The following KHDRBS2 variants were observed in gnomAD, a reference collection of about 807,000 sequenced individuals.
The protein encoded by KHDRBS2 is KH domain-containing, RNA-binding, signal transduction-associated protein 2.
In KHDRBS2, 26 loss-of-function variants were observed where a neutral mutation model predicts 44.3. The observed-to-expected ratio is 0.59, with a 90% CI of 0.43 to 0.81. KHDRBS2 has a LOEUF of 0.81. KHDRBS2 is among the 40% of genes least tolerant of loss of function. The probability of loss-of-function intolerance (pLI) is 0.00; values close to 1 mark genes in which losing one functional copy is unlikely to be tolerated. For synonymous variants in KHDRBS2, 194 were observed against 151.1 expected (o/e 1.28, Z -2.08); for missense variants, 476 against 433.1 (o/e 1.10, Z -0.88).
intron 2 of KHDRBS2, among the ~76,000 whole-genome samples, chr6:62,146,470 G>T (rs376895812): frequency 6.9e-6 from 1 of 145,866 alleles, no homozygotes; most frequent in Non-Finnish European, 1.5e-5. Flanking sequence ...GATTTTAAAA[G>T]AAAAAAAAAA....
intron 6 of KHDRBS2, among the ~76,000 whole-genome samples, chr6:61,848,509 A>ATATATG (rs1794835517): frequency 2.0e-5 from 1 of 50,848 alleles, no homozygotes; most frequent in African/African-American, 9.7e-5. Flanking sequence ...ATATATATAT[A>ATATATG]TGTATATATG....
chr6:62,118,556 G>A (rs563403881), intron 2 of KHDRBS2, among the ~76,000 whole-genome samples: 1 of 152,164 alleles, frequency 6.6e-6, no homozygotes, highest in Non-Finnish European at 1.5e-5. Flanking sequence ...TGGAGTGAAG[G>A]ATACAAAATA....
At chr6:62,055,999 T>C (rs892766853) in intron 2 of KHDRBS2, among the ~76,000 whole-genome samples, 1 of 151,994 alleles carries the variant, frequency 6.6e-6, no homozygotes, top group Non-Finnish European at 1.5e-5. Context: ...CTTCATAGAA[T>C]ATCCTGGAGC....
the KHDRBS2 span, among the ~76,000 whole-genome samples, chr6:61,568,827 G>A: frequency 6.6e-6 from 1 of 152,230 alleles, no homozygotes; most frequent in African/African-American, 2.4e-5. Context: ...AGGGAAGGCA[G>A]CAAGGGTAAC....
intron 6 of KHDRBS2, among the ~76,000 whole-genome samples, chr6:61,854,516 T>A (rs1795890772): frequency 6.6e-6 from 1 of 152,152 alleles, no homozygotes; most frequent in South Asian, 2.1e-4. Context: ...CAAAATGTTT[T>A]AAAAAAGCAC....
chr6:61,942,392 G>T (rs547043350), intron 4 of KHDRBS2, among the ~76,000 whole-genome samples: 1 of 151,442 alleles, frequency 6.6e-6, no homozygotes, highest in South Asian at 2.1e-4. Context: ...ATCATAAAAA[G>T]AACAAAACAA....
the KHDRBS2 span, among the ~76,000 whole-genome samples, chr6:61,558,981 C>T: frequency 1.3e-5 from 2 of 152,004 alleles, no homozygotes; most frequent in Admixed American, 6.6e-5. Context: ...GACTTCCTGT[C>T]TGGTGGATCT....
intron 2 of KHDRBS2, among the ~76,000 whole-genome samples, chr6:62,113,031 C>T (rs552239223): frequency 6.6e-6 from 1 of 152,090 alleles, no homozygotes; most frequent in Non-Finnish European, 1.5e-5. Context: ...TAACACATTA[C>T]ATCCAAAATG....
intron 5 of KHDRBS2, among the ~76,000 whole-genome samples, chr6:61,900,975 C>T (rs558741791): frequency 3.9e-5 from 6 of 152,130 alleles, no homozygotes; most frequent in Non-Finnish European, 8.8e-5. Flanking sequence ...GTCAGACTGT[C>T]TACGTGACCC....
In KHDRBS2 at chr6:61,918,050, C is replaced by A. The variant is rs576202576; in HGVS notation, c.484-16679G>T. On this transcript the variant is annotated intron_variant, in intron 4 of 8. Coordinates refer to ENST00000281156, the MANE Select transcript of KHDRBS2 (RefSeq NM_152688.4). ...CAAAGTCATCTTTATGGCGCATCGG[C>A]GAATGATGAAGTATTGGAGGATTAT... Among the ~76,000 whole-genome samples, 27 of 151,858 alleles carry A rather than the reference C, an allele frequency of 1.8e-4. No individual in the cohort carries two copies. In the South Asian group the frequency reaches 2.3e-3, roughly 13 times the overall value.
intron 6 of KHDRBS2, among the ~76,000 whole-genome samples, chr6:61,878,736 C>T (rs1241195476): frequency 6.6e-6 from 1 of 152,006 alleles, no homozygotes. Flanking sequence ...ATTGTTATAG[C>T]TTAGAGGCTA....
the KHDRBS2 span, among the ~76,000 whole-genome samples, chr6:61,633,771 G>A: frequency 0.025 from 3,715 of 149,774 alleles, 71 homozygotes; most frequent in Middle Eastern, 0.088. Context: ...TTTATTAAAA[G>A]AGTATATATT....
At chr6:62,016,587 TTTATA>T (rs1211803011) in intron 3 of KHDRBS2, among the ~76,000 whole-genome samples, 2 of 148,954 alleles carry the variant, frequency 1.3e-5, no homozygotes, top group South Asian at 4.2e-4. Context: ...TATAAATACA[TTTATA>T]TAATATGTAG....
Position 61,955,535 on chromosome 6 carries a change from T to C in KHDRBS2, c.483+22531A>G, listed in dbSNP as rs1408969853. Among the ~76,000 whole-genome samples, 10 of 61,372 alleles carry C rather than the reference T, an allele frequency of 1.6e-4. 1 individual carries two copies. Among genetic ancestry groups the C allele is most frequent in the African/African-American group, 4.6e-4 (7 of 15,232 alleles). 40.3% of individuals were successfully genotyped at this position (61,372 alleles called of 152,430 possible). The stretch of plus-strand genomic sequence containing the variant: ...ACATATGTATGTATGTATACATGTG[T>C]ATATATACACATATGTATGTATACA... On this transcript the variant is annotated intron_variant, in intron 4 of 8. Transcript: ENST00000281156.
At chr6:62,070,680 T>C (rs558439879) in intron 2 of KHDRBS2, among the ~76,000 whole-genome samples, 1 of 152,322 alleles carries the variant, frequency 6.6e-6, no homozygotes, top group Non-Finnish European at 1.5e-5. Flanking sequence ...CATCATTTTT[T>C]ATGGCTGCAT....
intron 6 of KHDRBS2, among the ~76,000 whole-genome samples, chr6:61,770,067 G>A (rs1780623558): frequency 1.3e-5 from 2 of 152,176 alleles, no homozygotes; most frequent in African/African-American, 4.8e-5. Flanking sequence ...CTGATACCCA[G>A]GCAAACAGGG....
At chr6:62,158,710 A>T (rs1008770780) in intron 2 of KHDRBS2, among the ~76,000 whole-genome samples, 1 of 152,142 alleles carries the variant, frequency 6.6e-6, no homozygotes, top group Non-Finnish European at 1.5e-5. Flanking sequence ...TAGGAAGATA[A>T]ATCTTACCCT....
chr6:61,701,781 T>A (rs761558027), intron 7 of KHDRBS2, among the ~76,000 whole-genome samples: 4 of 152,002 alleles, frequency 2.6e-5, no homozygotes, highest in Non-Finnish European at 5.9e-5. Flanking sequence ...GCCCACTGAG[T>A]CTTATGTGTT....
chr6:62,042,182 T>C (rs1237968455), intron 3 of KHDRBS2, among the ~76,000 whole-genome samples: 1 of 152,092 alleles, frequency 6.6e-6, no homozygotes, highest in Non-Finnish European at 1.5e-5. Flanking sequence ...AGTCTGTTAC[T>C]CCTACTCTAA....
Sources: gnomAD v4.1 joint callset for allele counts (sites outside exome capture counted in the v4.1 genomes callset) on GRCh38, gnomAD v4.1.1 for gene constraint, MANE v1.5 for transcripts, NCBI Gene and HGNC (gene_info 2026-07-23, HGNC 2026-07-21) for gene names.